Variants in AVEN observed in about 807,000 individuals in gnomAD.
AVEN encodes apoptosis and caspase activation inhibitor.
Under a neutral mutation model 38.1 loss-of-function variants are expected in AVEN, and 41 were observed. That is an observed-to-expected ratio of 1.08 (90% CI 0.84 to 1.40). The LOEUF (loss-of-function observed/expected upper bound fraction) is 1.40, where lower values mean the gene tolerates loss of function less well. Among genes scored for constraint, AVEN ranks in the 40% most tolerant of loss-of-function variants. The pLI, the probability that AVEN is intolerant of heterozygous loss-of-function variation, is 0.00. For synonymous variants in AVEN, 206 were observed against 171.8 expected, an observed-to-expected ratio of 1.20 and a Z score of -1.56; for missense variants, 605 against 438.8, an observed-to-expected ratio of 1.38 and a Z score of -3.38.
At chr15:33,984,302 AAT>A (rs1402216864) in intron 2 of AVEN, among the ~76,000 whole-genome samples, 1 of 152,112 alleles carries the variant, frequency 6.6e-6, no homozygotes, top group Non-Finnish European at 1.5e-5. Context: ...AAGTTTACAA[AAT>A]AAGTAATTGG....
chr15:33,918,536 A>C (rs1844539682), intron 2 of AVEN, among the ~76,000 whole-genome samples: 1 of 126,202 alleles, frequency 7.9e-6, no homozygotes, highest in Admixed American at 1.1e-4. Context: ...GCGTGATCTC[A>C]GCTCACTGCA....
chr15:34,047,324 G>A (rs962965201), intron 5 of AVEN, among the ~76,000 whole-genome samples: 5 of 152,150 alleles, frequency 3.3e-5, no homozygotes, highest in East Asian at 1.9e-4. Context: ...TGATCCGCCC[G>A]TGTCAGCCTC....
At chr15:33,953,977 A>C (rs1457811786) in intron 2 of AVEN, among the ~76,000 whole-genome samples, 1 of 152,242 alleles carries the variant, frequency 6.6e-6, no homozygotes, top group African/African-American at 2.4e-5. Context: ...CAACCCCATC[A>C]AAAAGTGGGC....
chr15:34,038,655 G>C, intron 1 of AVEN, 125 bp downstream of exon 1: 1 of 898,088 alleles, frequency 1.1e-6, no homozygotes, highest in Non-Finnish European at 1.4e-6. Flanking sequence ...GTCCCGCGCA[G>C]GCGCCGGCGC....
intron 2 of AVEN, among the ~76,000 whole-genome samples, chr15:33,912,159 T>C (rs1444922751): frequency 6.6e-6 from 1 of 152,216 alleles, no homozygotes; most frequent in East Asian, 1.9e-4. Flanking sequence ...CTTTCTCATC[T>C]GTAAAATAAG....
intron 5 of AVEN, among the ~76,000 whole-genome samples, chr15:34,045,171 A>T (rs574304795): frequency 1.3e-5 from 2 of 152,370 alleles, no homozygotes; most frequent in East Asian, 3.9e-4. Flanking sequence ...TTAGAGCTAT[A>T]AAGATGAACT....
At chr15:33,934,920 G>A (rs1015185138) in intron 2 of AVEN, among the ~76,000 whole-genome samples, 8 of 152,150 alleles carry the variant, frequency 5.3e-5, no homozygotes, top group African/African-American at 1.9e-4. Flanking sequence ...TAAATGAAAC[G>A]ATGTAAGTAA....
At chr15:34,044,822 G>A (rs1194826336) in intron 5 of AVEN, among the ~76,000 whole-genome samples, 15 of 152,176 alleles carry the variant, frequency 9.9e-5, no homozygotes, top group African/African-American at 2.4e-4. Context: ...AGGCCGAGGC[G>A]GGAGGATCAT....
chr15:33,915,839 T>A (rs1893116226), intron 2 of AVEN, among the ~76,000 whole-genome samples: 1 of 152,128 alleles, frequency 6.6e-6, no homozygotes, highest in African/African-American at 2.4e-5. Context: ...TCCGTGCTGT[T>A]GGAGAAGCAT....
chr15:33,948,841 T>C (rs1233003696), intron 2 of AVEN, among the ~76,000 whole-genome samples: 1 of 151,994 alleles, frequency 6.6e-6, no homozygotes, highest in Non-Finnish European at 1.5e-5. Flanking sequence ...TCTGGCTAAC[T>C]TTTGTATTTT....
chr15:33,933,491 T>TCACACA lies in AVEN; in HGVS notation c.446-57502_446-57497dup, dbSNP rs71974331. ...GTAAGCCAGGCCTGGCCTCCAACAA[T>TCACACA]CACACACACACACACACACACACAC... On this transcript the variant is annotated intron_variant, in intron 2 of 5. Transcript: ENST00000306730. Among the ~76,000 whole-genome samples the TCACACA allele has an allele frequency of 8.2e-3, 561 of 68,172 alleles. 12 individuals are homozygous for TCACACA. The highest frequency in any genetic ancestry group is 0.011 in the Non-Finnish European group (420 of 39,260). The allele number at this position is 68,172 out of a possible 152,430, so 44.7% of individuals were successfully genotyped here. A position where few individuals can be genotyped will look rare whatever the true frequency, so the allele number is the denominator to read the frequency against.
chr15:33,892,220 C>G (rs1282195428), intron 2 of AVEN, among the ~76,000 whole-genome samples: 2 of 152,172 alleles, frequency 1.3e-5, no homozygotes, highest in Admixed American at 6.5e-5. Context: ...TGCAGAAGCT[C>G]TTTGGTTTAA....
At chr15:34,041,020 C>T (rs1175876746), upstream of AVEN, among the ~76,000 whole-genome samples, 1 of 151,620 alleles carries the variant, frequency 6.6e-6, no homozygotes, top group Non-Finnish European at 1.5e-5. Context: ...GGTCTGGCCT[C>T]TCACCAAGTT....
chr15:33,934,923 G>A (rs1399001448), intron 2 of AVEN, among the ~76,000 whole-genome samples: 1 of 152,166 alleles, frequency 6.6e-6, no homozygotes, highest in Non-Finnish European at 1.5e-5. Flanking sequence ...ATGAAACGAT[G>A]TAAGTAAAGG....
At chr15:33,894,136 G>C (rs1033999523) in intron 2 of AVEN, among the ~76,000 whole-genome samples, 1 of 152,022 alleles carries the variant, frequency 6.6e-6, no homozygotes, top group East Asian at 1.9e-4. Flanking sequence ...TTTTAGTAGA[G>C]ATGGGGTTTC....
intron 5 of AVEN, among the ~76,000 whole-genome samples, chr15:34,052,969 A>G (rs2437888): frequency 0.16 from 24,545 of 152,010 alleles, 2,430 homozygotes; most frequent in African/African-American, 0.27. Context: ...TACCATTGAT[A>G]TTCTTCACAA....
chr15:33,986,423 A>T (rs1012192575), intron 2 of AVEN, among the ~76,000 whole-genome samples: 46 of 151,978 alleles, frequency 3.0e-4, no homozygotes, highest in Non-Finnish European at 5.9e-4. Context: ...GTAAATTTTT[A>T]TAAACTCTGT....
chr15:33,882,774 G>A (rs1400681799), intron 2 of AVEN, among the ~76,000 whole-genome samples: 1 of 152,130 alleles, frequency 6.6e-6, no homozygotes, highest in Non-Finnish European at 1.5e-5. Flanking sequence ...TCAGGAGGCT[G>A]AGGTGGGAGA....
chr15:33,880,222 G>C (rs1291845992), intron 2 of AVEN, among the ~76,000 whole-genome samples: 2 of 152,156 alleles, frequency 1.3e-5, no homozygotes, highest in Non-Finnish European at 2.9e-5. Flanking sequence ...CTTATCTGAA[G>C]ACATGAGAGT....
Sources: gnomAD v4.1 joint callset for allele counts (sites outside exome capture counted in the v4.1 genomes callset) on GRCh38, gnomAD v4.1.1 for gene constraint, MANE v1.5 for transcripts, NCBI Gene and HGNC (gene_info 2026-07-23, HGNC 2026-07-21) for gene names.